The following EVC variants were observed in gnomAD, a reference collection of about 807,000 sequenced individuals.
The protein encoded by EVC is evC complex member EVC.
A neutral mutation model predicts 118.9 loss-of-function variants in EVC; 116 were observed. That is an observed-to-expected ratio of 0.98 (90% CI 0.84 to 1.14). The LOEUF (loss-of-function observed/expected upper bound fraction) is 1.14, where lower values mean the gene tolerates loss of function less well. Ranked by LOEUF, EVC falls within the 50% of genes most tolerant of loss-of-function variation. EVC has a pLI of 0.00. For missense variants in EVC, 1,401 were observed against 1,246.4 expected (o/e 1.12, Z -1.87); for synonymous variants, 619 against 534.7 (o/e 1.16, Z -2.18).
Position 5,711,509 on chromosome 4 carries a change from C to A in EVC, c.129C>A (p.Gly43=). The A allele has an allele frequency of 8.6e-7, 1 of 1,164,852 alleles. No individual in the cohort carries two copies. The highest frequency in any genetic ancestry group is 1.1e-6 in the Non-Finnish European group (1 of 945,662). 72.2% of individuals were successfully genotyped at this position (1,164,852 alleles called of 1,614,324 possible). A position where few individuals can be genotyped will look rare whatever the true frequency, so the allele number is the denominator to read the frequency against. ...GCGCCGCGCTCGGCCTCGGCCTCGG[C>A]CTTTGGCTTGGCTGCCGCGCGGGCC... ...LLGAALGLGL[G]LWLGCRAGRQ... Residue 43 remains glycine, a synonymous_variant, in exon 1 of 21, where the codon GGC becomes GGA. Transcript: ENST00000264956.
the EVC span, among the ~76,000 whole-genome samples, chr4:5,822,127 T>A: frequency 1.3e-5 from 2 of 152,250 alleles, no homozygotes; most frequent in Non-Finnish European, 2.9e-5. Context: ...CTGAGACAGG[T>A]GATCAAACAC....
chr4:5,808,452 C>A, intron 18 of EVC, 125 bp downstream of exon 18: 2 of 1,453,096 alleles, frequency 1.4e-6, no homozygotes, highest in Non-Finnish European at 1.9e-6. Context: ...GCATCGTTGA[C>A]CCGCTGAGTC....
intron 5 of EVC, among the ~76,000 whole-genome samples, chr4:5,733,981 T>C (rs1286380908): frequency 6.6e-6 from 1 of 152,082 alleles, no homozygotes; most frequent in Admixed American, 6.5e-5. Context: ...TACCTTTTCA[T>C]GGGGCCACGT....
chr4:5,714,632 G>A (rs369508937), intron 1 of EVC, among the ~76,000 whole-genome samples: 3 of 151,998 alleles, frequency 2.0e-5, no homozygotes, highest in East Asian at 3.9e-4. Context: ...CTCTCAATAC[G>A]GAGGTTATAG....
rs1560439043 is a variant in EVC at position 5,804,784 on chromosome 4, C to A, written c.2504C>A (p.Ser835Ter). ...AAAAAGCAAGAACTCAGCAACCCTT[C>A]GTCGGGCAGCAGGACGGCAGGTGGC... is the stretch of plus-strand genomic sequence containing the variant. ...LRKKQELSNP[S>*]SGSRTAGGAH... The change falls in exon 17 of 21, where the codon TCG (serine) becomes TAG (stop). Residue 835 changes from serine (S) to a stop codon, truncating the protein, a stop_gained. Coordinates refer to ENST00000264956, the MANE Select transcript of EVC (RefSeq NM_153717.3). LOFTEE classifies it high-confidence loss of function. The A allele has an allele frequency of 1.2e-6, 2 of 1,614,150 alleles. No individual in the cohort carries two copies. Among genetic ancestry groups the A allele is most frequent in the Non-Finnish European group, 1.7e-6 (2 of 1,180,030 alleles).
At chr4:5,790,517 G>T (rs1712585445) in intron 12 of EVC, among the ~76,000 whole-genome samples, 1 of 152,142 alleles carries the variant, frequency 6.6e-6, no homozygotes, top group Non-Finnish European at 1.5e-5. Flanking sequence ...CCTTAAGGAT[G>T]GAGTCCTTGG....
chr4:5,734,142 C>T (rs983441108), intron 5 of EVC, among the ~76,000 whole-genome samples: 1 of 152,150 alleles, frequency 6.6e-6, no homozygotes, highest in East Asian at 1.9e-4. Context: ...AGCCGCAGAA[C>T]CCCGGTGGGT....
rs920405430 is a variant in EVC, at chr4:5,789,903, A to G, written c.1777-3705A>G. ...ACCTTTCAAAGAATCAAGACTGGCC[A>G]AGCATGGTGGATCACGCCTGTAATC... On this transcript the variant is annotated intron_variant, in intron 12 of 20. Transcript: ENST00000264956. The surrounding 1 kb of genome is among the most constrained non-coding windows in gnomAD (Gnocchi z 4.3). Among the ~76,000 whole-genome samples the G allele has an allele frequency of 1.3e-5, 2 of 152,178 alleles. No homozygotes were observed. Among genetic ancestry groups the G allele is most frequent in the Admixed American group, 1.3e-4 (2 of 15,272 alleles).
At chr4:5,821,981 C>T in the EVC span, 2 of 627,938 alleles carry the variant, frequency 3.2e-6, no homozygotes, top group Non-Finnish European at 4.8e-6. The surrounding 1 kb of genome is among the most constrained non-coding windows in gnomAD (Gnocchi z 4.4). Flanking sequence ...CCAGGACCAG[C>T]CATGGGAAGC....
Position 5,756,476 on chromosome 4 carries a change from C to T in EVC, c.1563+114C>T, listed in dbSNP as rs1731193987. On this transcript the variant is annotated intron_variant, in intron 11 of 20. Coordinates refer to ENST00000264956, the MANE Select transcript of EVC (RefSeq NM_153717.3). The surrounding 1 kb of genome is among the most constrained non-coding windows in gnomAD (Gnocchi z 4.2). Reference sequence around the variant, plus strand: ...GGTGGTTCAGGTCCAACCCCGCACTCATTGGCCGGTGATCCACGCAGGCTG... The same window carrying T: ...GGTGGTTCAGGTCCAACCCCGCACTTATTGGCCGGTGATCCACGCAGGCTG... The T allele has an allele frequency of 3.6e-6, 3 of 829,828 alleles. No homozygotes were observed. The East Asian group carries it at 8.0e-5, about 22-fold the overall frequency. The allele number at this position is 829,828 out of a possible 1,614,324, so 51.4% of individuals were successfully genotyped here. A position where few individuals can be genotyped will look rare whatever the true frequency, so the allele number is the denominator to read the frequency against.
In EVC at chr4:5,756,351, G is replaced by A. The variant is rs1731170316; in HGVS notation, c.1552G>A (p.Ala518Thr). The stretch of plus-strand genomic sequence containing the variant: ...TGTCAGAGCCACCGAGGCTGTGGTT[G>A]CACTCTGCCAGGTACATGGCCTCTG... Reference protein sequence around the residue: ...ENVRATEAVVALCQELYFSTV... With the variant: ...ENVRATEAVVTLCQELYFSTV... The change falls in exon 11 of 21, where the codon GCA becomes ACA. Residue 518 changes from alanine to threonine, a missense_variant. Transcript: ENST00000264956. The surrounding 1 kb of genome is among the most constrained non-coding windows in gnomAD (Gnocchi z 4.2). 5 of 1,609,640 alleles carry A rather than the reference G, an allele frequency of 3.1e-6. No homozygotes were observed. The highest frequency in any genetic ancestry group is 4.2e-6 in the Non-Finnish European group (5 of 1,178,328).
chr4:5,767,642 G>A lies in EVC; in HGVS notation c.1563+11280G>A, dbSNP rs549676572. 1.6e-4 allele frequency among the ~76,000 whole-genome samples: 24 copies of A among 152,094 alleles called. 1 individual carries two copies. Among genetic ancestry groups the A allele is most frequent in the Middle Eastern group, 3.4e-3 (1 of 292 alleles). ...AGCCCGTCGGAAAAGCACAGTATGC[G>A]GGTGGGAGTGACCCGATTTTCCAGG... On this transcript the variant is annotated intron_variant, in intron 11 of 20. Transcript: ENST00000264956.
rs1458168717 is a variant in EVC, at chr4:5,711,234, A to G, written c.-147A>G. On this transcript the variant is annotated 5_prime_UTR_variant, in exon 1 of 21. Transcript: ENST00000264956. The stretch of plus-strand genomic sequence containing the variant: ...GCGAAGCAGGGAAGGGGAGAGAAGC[A>G]GGAGTCGGGAGACTGCACAGGCCAG... The G allele has an allele frequency of 5.2e-5, 20 of 382,384 alleles. No homozygotes were observed. Among genetic ancestry groups the G allele is most frequent in the East Asian group, 1.6e-4 (1 of 6,108 alleles). 23.7% of individuals were successfully genotyped at this position (382,384 alleles called of 1,614,324 possible).
intron 11 of EVC, among the ~76,000 whole-genome samples, chr4:5,780,891 A>G (rs1735501792): frequency 6.6e-6 from 1 of 152,246 alleles, no homozygotes; most frequent in African/African-American, 2.4e-5. Context: ...TCCAGAGGAA[A>G]CCAGGCACAA....
intron 2 of EVC, among the ~76,000 whole-genome samples, chr4:5,720,318 C>G (rs185646601): frequency 6.6e-6 from 1 of 152,274 alleles, no homozygotes; most frequent in East Asian, 1.9e-4. Flanking sequence ...CCACGTGAGG[C>G]TGATCTGATT....
chr4:5,746,806 G>A lies in EVC; in HGVS notation c.940-1342G>A, dbSNP rs1420247198. ...AAAAGAGCTTTGGTGCCAAATCCTGGATCCTGCCCATATTTAAGGAGGAGC... is the reference window on the plus strand; with the variant it reads ...AAAAGAGCTTTGGTGCCAAATCCTGAATCCTGCCCATATTTAAGGAGGAGC... On this transcript the variant is annotated intron_variant, in intron 7 of 20. Coordinates refer to ENST00000264956, the MANE Select transcript of EVC (RefSeq NM_153717.3). The surrounding 1 kb of genome is among the most constrained non-coding windows in gnomAD (Gnocchi z 5.8). 6.6e-6 allele frequency among the ~76,000 whole-genome samples: 1 copy of A among 152,170 alleles called. No individual in the cohort carries two copies. The highest frequency in any genetic ancestry group is 1.5e-5 in the Non-Finnish European group (1 of 68,034).
downstream of EVC, among the ~76,000 whole-genome samples, chr4:5,815,623 G>A (rs1022869264): frequency 6.6e-6 from 1 of 152,182 alleles, no homozygotes; most frequent in Non-Finnish European, 1.5e-5. Context: ...AGAGGGAGAG[G>A]GGCCAGGGAA....
the EVC span, chr4:5,824,260 C>T: frequency 1.0e-6 from 1 of 983,668 alleles, no homozygotes; most frequent in Non-Finnish European, 1.2e-6. Flanking sequence ...GAAGCCAATC[C>T]CTGGTTTGCT....
chr4:5,738,901 A>T lies in EVC; in HGVS notation c.703-2815A>T, dbSNP rs1372997105. ...TTTTTAATAATCATCTTAGGCTCAGATGATCATTAGCATTTTTTAGGAAGA... is the reference window on the plus strand; with the variant it reads ...TTTTTAATAATCATCTTAGGCTCAGTTGATCATTAGCATTTTTTAGGAAGA... On this transcript the variant is annotated intron_variant, in intron 5 of 20. Coordinates refer to ENST00000264956, the MANE Select transcript of EVC (RefSeq NM_153717.3). This position sits in a 1 kb window ranked among gnomAD's most constrained non-coding sequence, Gnocchi z 6.5. Among the ~76,000 whole-genome samples, 1 of 152,130 alleles carries T rather than the reference A, an allele frequency of 6.6e-6. No individual in the cohort carries two copies. Among genetic ancestry groups the T allele is most frequent in the African/African-American group, 2.4e-5 (1 of 41,440 alleles).
Sources: allele counts gnomAD v4.1 joint callset (sites outside exome capture counted in the v4.1 genomes callset), GRCh38; gene constraint gnomAD v4.1.1; non-coding constraint Gnocchi (gnomAD v3.1); transcripts MANE v1.5; gene names NCBI Gene and HGNC (gene_info 2026-07-23, HGNC 2026-07-21).